SLU7: variants seen among roughly 807,000 people sequenced by gnomAD.
The protein encoded by SLU7 is spliceosome associated SLU7.
Under a neutral mutation model 87.0 loss-of-function variants are expected in SLU7, and 60 were observed. The observed-to-expected ratio is 0.69, with a 90% CI of 0.56 to 0.86. The LOEUF is 0.86. Ranked by LOEUF, SLU7 falls within the 40% of genes least tolerant of loss-of-function variation. The pLI is 0.00. For missense variants in SLU7, 507 were observed against 686.6 expected, an observed-to-expected ratio of 0.74 and a Z score of 2.92; for synonymous variants, 197 against 222.0, an observed-to-expected ratio of 0.89 and a Z score of 1.00.
chr5:160,405,030 C>A lies in SLU7; in HGVS notation c.1392+1G>T. The A allele has an allele frequency of 6.2e-7, 1 of 1,607,260 alleles. No individual in the cohort carries two copies. The highest frequency in any genetic ancestry group is 8.5e-7 in the Non-Finnish European group (1 of 1,173,848). On this transcript the variant is annotated splice_donor_variant, in intron 13 of 15. Transcript: ENST00000297151. LOFTEE classifies it high-confidence loss of function. Reference sequence around the variant, plus strand: ...TTTAAGAACCAAAGACAATTACTTACAACAATCTCCTTCCCAGCTTCTCCA... The same window carrying A: ...TTTAAGAACCAAAGACAATTACTTAAAACAATCTCCTTCCCAGCTTCTCCA...
chr5:160,414,075 C>T (rs1765354835), intron 3 of SLU7, 96 bp from the exon 4 acceptor site: 2 of 827,168 alleles, frequency 2.4e-6, no homozygotes. Flanking sequence ...GAAATGATTT[C>T]TTTGTTAAAA....
At position 160,408,335 on chromosome 5, in the gene SLU7, A is replaced by G. The variant is rs759953216; in HGVS notation, c.813T>C (p.Ile271=). ...TVRNLRIRED[I]AKYLRNLDPN... ...TTAAGCTGACAAGACTTACTTTTGC[A>G]ATATCTTCTCGAATCCTGAGATTCC... Residue 271 remains isoleucine, a synonymous_variant, in exon 8 of 16, where the codon ATT becomes ATC. Transcript: ENST00000297151. The G allele has an allele frequency of 6.2e-7, 1 of 1,605,618 alleles. No homozygotes were observed. The highest frequency in any genetic ancestry group is 1.1e-5 in the South Asian group (1 of 88,900).
At chr5:160,412,541 A>AAAAAAG in intron 5 of SLU7, 22 bp from the exon 6 acceptor site, 1 of 1,411,532 alleles carries the variant, frequency 7.1e-7, no homozygotes, top group East Asian at 2.4e-5. Context: ...AAAAAAAGAA[A>AAAAAAG]GAAAGAAAGA....
At chr5:160,418,823 A>T (rs1313106685) in intron 1 of SLU7, 200 bp downstream of exon 1, 1 of 152,258 alleles carries the variant, frequency 6.6e-6, no homozygotes, top group African/African-American at 2.4e-5. Flanking sequence ...TTCCCTGAAG[A>T]CGCAGGCCTG....
chr5:160,415,827 G>A (rs1765429188), intron 1 of SLU7, among the ~76,000 whole-genome samples: 1 of 152,104 alleles, frequency 6.6e-6, no homozygotes, highest in African/African-American at 2.4e-5. Context: ...ACATTTTTCA[G>A]CTCTGTTCCT....
chr5:160,406,344 TA>T (rs1049139614), intron 12 of SLU7, 123 bp downstream of exon 12: 13 of 789,248 alleles, frequency 1.6e-5, no homozygotes, highest in African/African-American at 2.0e-5. Flanking sequence ...ATGAAACAGT[TA>T]AAATTTTTTT....
Position 160,407,962 on chromosome 5 carries a change from G to A in SLU7, c.917+9C>T. 1.9e-6 allele frequency: 3 copies of A among 1,587,720 alleles called. No homozygotes were observed. In the South Asian group the frequency reaches 3.3e-5, roughly 18 times the overall value. On this transcript the variant is annotated intron_variant, in intron 9 of 15. Transcript: ENST00000297151. The surrounding 1 kb of genome is among the most constrained non-coding windows in gnomAD (Gnocchi z 4.2). The stretch of plus-strand genomic sequence containing the variant: ...ATCTTAAAATCTGTACATTTAACTT[G>A]ATACTTACTCATCTGGATTCTTTCC...
chr5:160,409,523 C>T (rs1041600224), intron 6 of SLU7, among the ~76,000 whole-genome samples: 1 of 152,086 alleles, frequency 6.6e-6, no homozygotes, highest in Non-Finnish European at 1.5e-5. Context: ...TGAATGATGG[C>T]TAAGTGATAT....
At chr5:160,404,587 T>A in intron 14 of SLU7, 31 bp from the exon 15 acceptor site, 1 of 1,426,376 alleles carries the variant, frequency 7.0e-7, no homozygotes, top group Non-Finnish European at 9.8e-7. Flanking sequence ...GCAGTGTTAT[T>A]AATGTGAAAA....
Position 160,403,484 on chromosome 5 carries a change from A to G in SLU7, c.1582-20T>C. 1 of 1,573,028 alleles carries G rather than the reference A, an allele frequency of 6.4e-7. No homozygotes were observed. The highest frequency in any genetic ancestry group is 2.3e-5 in the East Asian group (1 of 43,444). ...CAGTGCCTATAGTGAGAGGAATAAAATGTGTATCACAGCTCTACATCAGAT... is the reference window on the plus strand; with the variant it reads ...CAGTGCCTATAGTGAGAGGAATAAAGTGTGTATCACAGCTCTACATCAGAT... On this transcript the variant is annotated intron_variant, in intron 15 of 15. Coordinates refer to ENST00000297151, the MANE Select transcript of SLU7 (RefSeq NM_006425.5).
At chr5:160,410,267 T>C (rs1405432380) in intron 6 of SLU7, among the ~76,000 whole-genome samples, 1 of 152,186 alleles carries the variant, frequency 6.6e-6, no homozygotes, top group East Asian at 1.9e-4. Context: ...ACTTAATATG[T>C]GTTACTTTCA....
At chr5:160,414,014 T>A in intron 3 of SLU7, 35 bp from the exon 4 acceptor site, 1 of 1,266,578 alleles carries the variant, frequency 7.9e-7, no homozygotes, top group Non-Finnish European at 1.1e-6. Flanking sequence ...AAAAATGTCT[T>A]AACCACGTAA....
In SLU7 at chr5:160,408,515, T is replaced by C. The variant is rs1322009257; in HGVS notation, c.688-55A>G. ...AAGAAAAGAAAGCAGCATGTAGTTCTTTTTTTTCCCCTTTCCCTTTAACCA... is the reference window on the plus strand; with the variant it reads ...AAGAAAAGAAAGCAGCATGTAGTTCCTTTTTTTCCCCTTTCCCTTTAACCA... On this transcript the variant is annotated intron_variant, in intron 7 of 15. Transcript: ENST00000297151. 2.6e-6 allele frequency: 4 copies of C among 1,518,094 alleles called. No individual in the cohort carries two copies. In the African/African-American group the frequency reaches 4.2e-5, roughly 16 times the overall value. 94.0% of individuals were successfully genotyped at this position (1,518,094 alleles called of 1,614,324 possible). A position where few individuals can be genotyped will look rare whatever the true frequency, so the allele number is the denominator to read the frequency against.
Position 160,402,635 on chromosome 5 carries a change from G to A in SLU7, c.*650C>T, listed in dbSNP as rs1344969505. 2 of 152,040 alleles carry A rather than the reference G, an allele frequency of 1.3e-5. No homozygotes were observed. Among genetic ancestry groups the A allele is most frequent in the Non-Finnish European group, 2.9e-5 (2 of 68,014 alleles). 9.4% of individuals were successfully genotyped at this position (152,040 alleles called of 1,614,324 possible). A position where few individuals can be genotyped will look rare whatever the true frequency, so the allele number is the denominator to read the frequency against. Reference sequence around the variant, plus strand: ...TACTAAATATAGGGCCACAAAAATCGAAGCAATAAAGTTTGAAGCTTAATA... The same window carrying A: ...TACTAAATATAGGGCCACAAAAATCAAAGCAATAAAGTTTGAAGCTTAATA... On this transcript the variant is annotated 3_prime_UTR_variant, in exon 16 of 16. Coordinates refer to ENST00000297151, the MANE Select transcript of SLU7 (RefSeq NM_006425.5).
chr5:160,413,329 G>GTAT, intron 5 of SLU7, 127 bp downstream of exon 5: 1 of 687,690 alleles, frequency 1.5e-6, no homozygotes, highest in Non-Finnish European at 2.4e-6. Context: ...AGCCTATACA[G>GTAT]TAGTACTACT....
chr5:160,416,471 C>G (rs984264015), intron 1 of SLU7, among the ~76,000 whole-genome samples: 14 of 152,206 alleles, frequency 9.2e-5, no homozygotes, highest in African/African-American at 2.9e-4. Flanking sequence ...TACTTGACAT[C>G]TCCACTTAGA....
Position 160,407,476 on chromosome 5 carries a change from CT to C in SLU7, c.1124del (p.Lys375SerfsTer17). ...KEQQKESILE[K>X]YGGQEHLDAP... ...TCTTTAGCATTTTGGTCAAAATTAC[CT>C]TTTCCAGGATGCTTTCTTTCTGCTG... On this transcript the variant is annotated frameshift_variant and splice_region_variant, in exon 11 of 16. Transcript: ENST00000297151. LOFTEE classifies it high-confidence loss of function. The surrounding 1 kb of genome is among the most constrained non-coding windows in gnomAD (Gnocchi z 4.2). 6.2e-7 allele frequency: 1 copy of C among 1,602,798 alleles called. No homozygotes were observed.
intron 6 of SLU7, 84 bp downstream of exon 6, chr5:160,412,367 G>T: frequency 1.2e-6 from 1 of 829,050 alleles, no homozygotes; most frequent in Non-Finnish European, 2.0e-6. Flanking sequence ...TAACTGAAGA[G>T]CTATAAAATG....
chr5:160,403,287 A>G lies in SLU7; in HGVS notation c.1759T>C (p.Ter587GlnextTer21). Reference protein sequence around the residue: ...DDPMASFLGQ* With the variant: ...DDPMASFLGQQ Reference sequence around the variant, plus strand: ...TTGGATGGTCTTCTGACTAGTTGCTACTGTCCAAGGAAAGAGGCCATGGGG... The same window carrying G: ...TTGGATGGTCTTCTGACTAGTTGCTGCTGTCCAAGGAAAGAGGCCATGGGG... The change falls in exon 16 of 16, where the codon TAG becomes CAG. Residue 587 changes from the stop codon to glutamine, a stop_lost. Transcript: ENST00000297151. The G allele has an allele frequency of 1.3e-6, 2 of 1,591,770 alleles. No homozygotes were observed. The highest frequency in any genetic ancestry group is 1.7e-6 in the Non-Finnish European group (2 of 1,169,936).
Sources: gnomAD v4.1 joint callset for allele counts (sites outside exome capture counted in the v4.1 genomes callset) on GRCh38, gnomAD v4.1.1 for gene constraint, Gnocchi (gnomAD v3.1) non-coding constraint, MANE v1.5 for transcripts, NCBI Gene and HGNC (gene_info 2026-07-23, HGNC 2026-07-21) for gene names.